Variants in RABL3 observed in about 807,000 individuals in gnomAD.
The protein encoded by RABL3 is RAB, member of RAS oncogene family like 3, also known as rab-like protein 3.
Under a neutral mutation model 31.8 loss-of-function variants are expected in RABL3, and 31 were observed. The observed-to-expected ratio is 0.97, with a 90% CI of 0.73 to 1.31. The LOEUF is 1.31. Among genes scored for constraint, RABL3 ranks in the 40% most tolerant of loss-of-function variants. The pLI is 0.00. For synonymous variants in RABL3, 97 were observed against 99.9 expected, an observed-to-expected ratio of 0.97 and a Z score of 0.18; for missense variants, 263 against 279.6, an observed-to-expected ratio of 0.94 and a Z score of 0.42.
chr3:120,717,030 A>G (rs1708678636), intron 2 of RABL3, among the ~76,000 whole-genome samples: 1 of 152,188 alleles, frequency 6.6e-6, no homozygotes, highest in South Asian at 2.1e-4. Context: ...AGGTGGGTGG[A>G]TCACCTGAGG....
intron 1 of RABL3, among the ~76,000 whole-genome samples, chr3:120,735,215 T>A (rs1041434470): frequency 7.1e-6 from 1 of 141,706 alleles, no homozygotes; most frequent in Non-Finnish European, 1.6e-5. Context: ...ATTGCCTCAA[T>A]TTCCAAGCCT....
intron 2 of RABL3, among the ~76,000 whole-genome samples, chr3:120,726,400 G>A (rs1204821949): frequency 1.3e-5 from 2 of 152,156 alleles, no homozygotes; most frequent in African/African-American, 2.4e-5. Flanking sequence ...CAAGGTTGCA[G>A]GATTGCTTGA....
intron 2 of RABL3, among the ~76,000 whole-genome samples, chr3:120,713,032 AT>A (rs1299540145): frequency 6.6e-6 from 1 of 151,538 alleles, no homozygotes; most frequent in African/African-American, 2.4e-5. Context: ...GCAGTACACC[AT>A]TTTTTTTCTC....
intron 1 of RABL3, 67 bp downstream of exon 1, chr3:120,742,395 G>C: frequency 6.8e-7 from 1 of 1,471,846 alleles, no homozygotes; most frequent in Admixed American, 1.7e-5. Context: ...AGGGAAGGAA[G>C]CTAAGGGGAG....
chr3:120,691,679 G>C (rs887535064), intron 6 of RABL3, among the ~76,000 whole-genome samples: 41 of 152,164 alleles, frequency 2.7e-4, no homozygotes, highest in African/African-American at 9.4e-4. Flanking sequence ...GCAAGTTGAG[G>C]AATAGCTGTA....
At chr3:120,699,188 T>C (rs1323972788) in intron 4 of RABL3, among the ~76,000 whole-genome samples, 1 of 151,844 alleles carries the variant, frequency 6.6e-6, no homozygotes, top group Non-Finnish European at 1.5e-5. Flanking sequence ...CTGGGAAAGG[T>C]GGATTAAACA....
chr3:120,718,655 T>C (rs955551386), intron 2 of RABL3, among the ~76,000 whole-genome samples: 1 of 152,186 alleles, frequency 6.6e-6, no homozygotes, highest in African/African-American at 2.4e-5. Context: ...AAGAATCAAA[T>C]AAAAATACTA....
Position 120,687,769 on chromosome 3 carries a change from T to C in RABL3, c.*2054A>G, listed in dbSNP as rs915546800. On this transcript the variant is annotated 3_prime_UTR_variant, in exon 8 of 8. Transcript: ENST00000273375. ...TGGAGTCATCAGCAATAGTTTACTTTTATTATTTATTTATATATTTATATA... is the reference window on the plus strand; with the variant it reads ...TGGAGTCATCAGCAATAGTTTACTTCTATTATTTATTTATATATTTATATA... 1.3e-5 allele frequency: 2 copies of C among 151,082 alleles called. No individual in the cohort carries two copies. Among genetic ancestry groups the C allele is most frequent in the African/African-American group, 2.4e-5 (1 of 41,316 alleles). 9.4% of individuals were successfully genotyped at this position (151,082 alleles called of 1,614,324 possible). A position where few individuals can be genotyped will look rare whatever the true frequency, so the allele number is the denominator to read the frequency against.
intron 2 of RABL3, among the ~76,000 whole-genome samples, chr3:120,725,352 C>G (rs955911593): frequency 1.3e-5 from 2 of 151,046 alleles, no homozygotes; most frequent in Non-Finnish European, 1.5e-5. Flanking sequence ...GTTGGTGGAA[C>G]TGTAAACTAG....
rs1330124003 is a variant in RABL3 at position 120,688,866 on chromosome 3, T to C, written c.*957A>G. 1.3e-5 allele frequency: 2 copies of C among 152,180 alleles called. No individual in the cohort carries two copies. The highest frequency in any genetic ancestry group is 2.4e-5 in the African/African-American group (1 of 41,442). The allele number at this position is 152,180 out of a possible 1,614,324, so 9.4% of individuals were successfully genotyped here. A position where few individuals can be genotyped will look rare whatever the true frequency, so the allele number is the denominator to read the frequency against. On this transcript the variant is annotated 3_prime_UTR_variant, in exon 8 of 8. Coordinates refer to ENST00000273375, the MANE Select transcript of RABL3 (RefSeq NM_173825.5). The stretch of plus-strand genomic sequence containing the variant: ...TATGAAATCCAAGAATCCTAGTTCA[T>C]AATTCATGTAAATGTGTTGCTGTGG...
intron 1 of RABL3, among the ~76,000 whole-genome samples, chr3:120,736,233 T>C (rs539816388): frequency 6.6e-6 from 1 of 152,332 alleles, no homozygotes; most frequent in South Asian, 2.1e-4. Context: ...TGCTCCTGTA[T>C]TGGGTGCATA....
At chr3:120,733,255 C>A (rs942207286) in intron 1 of RABL3, among the ~76,000 whole-genome samples, 1 of 152,194 alleles carries the variant, frequency 6.6e-6, no homozygotes, top group African/African-American at 2.4e-5. Flanking sequence ...GATCGCCATT[C>A]TAACTGGAGT....
intron 3 of RABL3, among the ~76,000 whole-genome samples, chr3:120,707,486 T>C (rs1708562445): frequency 6.6e-6 from 1 of 152,148 alleles, no homozygotes; most frequent in Admixed American, 6.5e-5. Flanking sequence ...CTATGAAGAA[T>C]TATTATTATC....
intron 4 of RABL3, among the ~76,000 whole-genome samples, chr3:120,698,850 G>T (rs1423745503): frequency 6.6e-6 from 1 of 152,098 alleles, no homozygotes; most frequent in Non-Finnish European, 1.5e-5. Context: ...ACAACTAAGT[G>T]CCCATCAAGT....
chr3:120,703,850 C>T (rs1708520718), intron 4 of RABL3, among the ~76,000 whole-genome samples: 1 of 152,042 alleles, frequency 6.6e-6, no homozygotes, highest in Non-Finnish European at 1.5e-5. Flanking sequence ...ATTACAAAAA[C>T]TCATCCAAGA....
intron 2 of RABL3, among the ~76,000 whole-genome samples, chr3:120,724,759 G>C (rs1200203424): frequency 2.6e-5 from 4 of 152,140 alleles, no homozygotes; most frequent in Admixed American, 6.5e-5. Context: ...TTAGAAAGCT[G>C]AAACTGGATC....
At position 120,725,612 on chromosome 3, in the gene RABL3, T is replaced by C. The variant is rs965913617; in HGVS notation, c.138+5084A>G. On this transcript the variant is annotated intron_variant, in intron 2 of 7. Transcript: ENST00000273375. ...CACATATACACCATGGAATACTATG[T>C]AGCCACAAAAAATGATGAGTTCATG... Among the ~76,000 whole-genome samples the C allele has an allele frequency of 6.6e-5, 10 of 152,294 alleles. No individual in the cohort carries two copies. The East Asian group carries it at 9.6e-4, about 15-fold the overall frequency.
At chr3:120,702,618 C>T (rs779867064) in intron 4 of RABL3, among the ~76,000 whole-genome samples, 86 of 150,258 alleles carry the variant, frequency 5.7e-4, no homozygotes, top group African/African-American at 2.0e-3. Context: ...GGTGCAGTGG[C>T]GTGATCTCGG....
At chr3:120,716,793 T>C (rs1372571629) in intron 2 of RABL3, among the ~76,000 whole-genome samples, 2 of 152,186 alleles carry the variant, frequency 1.3e-5, no homozygotes, top group Non-Finnish European at 2.9e-5. Flanking sequence ...TCCCAAGTTA[T>C]TTAGGTAAAG....
Sources: gnomAD v4.1 joint callset for allele counts (sites outside exome capture counted in the v4.1 genomes callset) on GRCh38, gnomAD v4.1.1 for gene constraint, MANE v1.5 for transcripts, NCBI Gene and HGNC (gene_info 2026-07-23, HGNC 2026-07-21) for gene names.